Variants in PPP3R1 observed in about 807,000 individuals in gnomAD.
The protein encoded by PPP3R1 is protein phosphatase 3 regulatory subunit B, alpha, also known as calcineurin subunit B type 1.
In PPP3R1, 5 loss-of-function variants were observed where a neutral mutation model predicts 22.6. That is an observed-to-expected ratio of 0.22 (90% CI 0.12 to 0.46). The LOEUF (loss-of-function observed/expected upper bound fraction) is 0.46, where lower values mean the gene tolerates loss of function less well. PPP3R1 is among the 20% of genes least tolerant of loss of function. The probability of loss-of-function intolerance (pLI) is 0.99; values close to 1 mark genes in which losing one functional copy is unlikely to be tolerated. For synonymous variants in PPP3R1, 56 were observed against 65.2 expected, an observed-to-expected ratio of 0.86 and a Z score of 0.68; for missense variants, 61 against 203.2, an observed-to-expected ratio of 0.30 and a Z score of 4.25.
In PPP3R1 at chr2:68,186,498, A is replaced by G. The variant is rs201435247; in HGVS notation, c.435T>C (p.Asp145=). Residue 145 remains aspartate, a synonymous_variant, in exon 5 of 6, where the codon GAT becomes GAC. Transcript: ENST00000234310. ...KTIINADKDG[D]GRISFEEFCA... is the part of the protein sequence containing the mutation. ...AGAATTCTTCAAAGGATATTCTTCC[A>G]TCTCCATCCTTATCTGCATTTATTA... The G allele has an allele frequency of 7.0e-5, 113 of 1,613,304 alleles. No homozygotes were observed. The East Asian group carries it at 2.5e-3, about 35-fold the overall frequency.
chr2:68,246,436 C>A (rs1408622091), intron 1 of PPP3R1, among the ~76,000 whole-genome samples: 2 of 152,072 alleles, frequency 1.3e-5, no homozygotes, highest in Non-Finnish European at 1.5e-5. Flanking sequence ...AGCTTTCACC[C>A]TCTCTGCTAC....
In PPP3R1 at chr2:68,190,254, T is replaced by TAAAAAA. The variant is rs1491128472; in HGVS notation, c.44-1565_44-1564insTTTTTT. On this transcript the variant is annotated intron_variant, in intron 2 of 5. Coordinates refer to ENST00000234310, the MANE Select transcript of PPP3R1 (RefSeq NM_000945.4). ...AGTAAAGGATCAGGGCAAGTTTCTC[T>TAAAAAA]TAAAAAAAAAAAAAAAAAAAAAAAA... 3.5e-5 allele frequency among the ~76,000 whole-genome samples: 3 copies of TAAAAAA among 85,522 alleles called. 1 individual carries two copies. Among genetic ancestry groups the TAAAAAA allele is most frequent in the African/African-American group, 1.3e-4 (3 of 22,776 alleles). The allele number at this position is 85,522 out of a possible 152,430, so 56.1% of individuals were successfully genotyped here.
At chr2:68,244,314 A>G (rs1002392383) in intron 1 of PPP3R1, among the ~76,000 whole-genome samples, 9 of 152,156 alleles carry the variant, frequency 5.9e-5, no homozygotes, top group Admixed American at 5.2e-4. Flanking sequence ...CCATTTAGTT[A>G]TATTTATTTA....
chr2:68,242,950 A>C (rs942430767), intron 1 of PPP3R1, among the ~76,000 whole-genome samples: 5 of 152,226 alleles, frequency 3.3e-5, no homozygotes, highest in African/African-American at 1.2e-4. Flanking sequence ...CATAAAAATA[A>C]AAATGAATAC....
intron 2 of PPP3R1, among the ~76,000 whole-genome samples, chr2:68,210,490 C>G (rs952175496): frequency 1.2e-4 from 19 of 152,132 alleles, no homozygotes; most frequent in African/African-American, 4.3e-4. Flanking sequence ...GTTAATGTTC[C>G]AATTTGTTCA....
intron 1 of PPP3R1, among the ~76,000 whole-genome samples, chr2:68,239,158 T>C (rs1670072426): frequency 6.6e-6 from 1 of 152,142 alleles, no homozygotes; most frequent in Non-Finnish European, 1.5e-5. Flanking sequence ...ATAGCCAATA[T>C]GAGTCAAGAG....
At chr2:68,249,654 C>T (rs1279736040) in intron 1 of PPP3R1, among the ~76,000 whole-genome samples, 1 of 151,232 alleles carries the variant, frequency 6.6e-6, no homozygotes, top group African/African-American at 2.4e-5. Flanking sequence ...TAACATATAA[C>T]CTTCATTCTC....
intron 2 of PPP3R1, among the ~76,000 whole-genome samples, chr2:68,205,104 A>G (rs1186621224): frequency 1.3e-5 from 2 of 152,220 alleles, no homozygotes; most frequent in East Asian, 3.8e-4. Flanking sequence ...AAAGTTTGAA[A>G]AAAGAGTATA....
intron 2 of PPP3R1, among the ~76,000 whole-genome samples, chr2:68,214,353 C>T (rs1384823419): frequency 6.6e-6 from 1 of 152,106 alleles, no homozygotes; most frequent in African/African-American, 2.4e-5. Context: ...AGACAACCTA[C>T]AGAATGGGAG....
rs1161828505 is a variant in PPP3R1, at chr2:68,181,088, T to C, written c.466-78A>G. 9 of 1,412,708 alleles carry C rather than the reference T, an allele frequency of 6.4e-6. No homozygotes were observed. In the Admixed American group the frequency reaches 1.2e-4, roughly 19 times the overall value. 87.5% of individuals were successfully genotyped at this position (1,412,708 alleles called of 1,614,324 possible). A position where few individuals can be genotyped will look rare whatever the true frequency, so the allele number is the denominator to read the frequency against. On this transcript the variant is annotated intron_variant, in intron 5 of 5. Transcript: ENST00000234310. ...TCGTGGTCTAACTACTTCATCAAAT[T>C]TTAAAAAATATTACTAGGGGGCTGG...
At chr2:68,229,154 C>T (rs1341186699) in intron 1 of PPP3R1, among the ~76,000 whole-genome samples, 1 of 151,986 alleles carries the variant, frequency 6.6e-6, no homozygotes, top group Non-Finnish European at 1.5e-5. Flanking sequence ...CAACTACAGG[C>T]ATATGCCATC....
intron 2 of PPP3R1, among the ~76,000 whole-genome samples, chr2:68,211,177 C>G (rs1045582370): frequency 2.0e-5 from 3 of 152,058 alleles, no homozygotes; most frequent in Non-Finnish European, 4.4e-5. Context: ...GAGGCCGAGA[C>G]AGGCGGATCA....
At position 68,202,792 on chromosome 2, in the gene PPP3R1, A is replaced by ATTTTTTTTTTTTT. The variant is rs71395958; in HGVS notation, c.44-14115_44-14103dup. On this transcript the variant is annotated intron_variant, in intron 2 of 5. Coordinates refer to ENST00000234310, the MANE Select transcript of PPP3R1 (RefSeq NM_000945.4). ...TAATATATACTAGAGAGTTCAGGGA[A>ATTTTTTTTTTTTT]TTTTTTTTTTTTTTTTTTTTTTTTT... Among the ~76,000 whole-genome samples, 63 of 81,208 alleles carry ATTTTTTTTTTTTT rather than the reference A, an allele frequency of 7.8e-4. 7 individuals carry two copies. The highest frequency in any genetic ancestry group is 3.6e-3 in the African/African-American group (58 of 16,164). 53.3% of individuals were successfully genotyped at this position (81,208 alleles called of 152,430 possible). A position where few individuals can be genotyped will look rare whatever the true frequency, so the allele number is the denominator to read the frequency against.
Position 68,229,953 on chromosome 2 carries a change from T to C in PPP3R1, c.4-12822A>G, listed in dbSNP as rs1447413675. ...GTGTGTGTATGTGTGTATATATGTG[T>C]GTGTGTATATATACACACATACACA... On this transcript the variant is annotated intron_variant, in intron 1 of 5. Transcript: ENST00000234310. Among the ~76,000 whole-genome samples the C allele has an allele frequency of 2.3e-5, 3 of 131,896 alleles. No individual in the cohort carries two copies. In the Admixed American group the frequency reaches 2.5e-4, roughly 11 times the overall value. The allele number at this position is 131,896 out of a possible 152,430, so 86.5% of individuals were successfully genotyped here.
chr2:68,198,992 T>G (rs772667809), intron 2 of PPP3R1, among the ~76,000 whole-genome samples: 28 of 152,074 alleles, frequency 1.8e-4, no homozygotes, highest in Non-Finnish European at 3.1e-4. Context: ...AAGATGGAGT[T>G]TTGCTCTGTC....
At chr2:68,196,517 CATGT>C (rs1322865606) in intron 2 of PPP3R1, among the ~76,000 whole-genome samples, 1 of 152,248 alleles carries the variant, frequency 6.6e-6, no homozygotes, top group African/African-American at 2.4e-5. Flanking sequence ...ACAGGTCATA[CATGT>C]ATGTGTTGTA....
At chr2:68,198,931 A>G (rs1480238748) in intron 2 of PPP3R1, among the ~76,000 whole-genome samples, 1 of 152,148 alleles carries the variant, frequency 6.6e-6, no homozygotes, top group Non-Finnish European at 1.5e-5. Flanking sequence ...ATTTTACTCT[A>G]TTATGCATGG....
intron 4 of PPP3R1, 61 bp downstream of exon 4, chr2:68,187,194 A>G (rs1674563411): frequency 1.5e-6 from 2 of 1,306,060 alleles, no homozygotes; most frequent in East Asian, 2.4e-5. Context: ...AAAGCATTCT[A>G]TAATACAGTA....
chr2:68,216,971 T>C lies in PPP3R1; in HGVS notation c.43+121A>G, dbSNP rs1039202613. 2.8e-5 allele frequency: 19 copies of C among 688,918 alleles called. No homozygotes were observed. In the South Asian group the frequency reaches 3.9e-4, roughly 14 times the overall value. 42.7% of individuals were successfully genotyped at this position (688,918 alleles called of 1,614,324 possible). On this transcript the variant is annotated intron_variant, in intron 2 of 5. Transcript: ENST00000234310. The stretch of plus-strand genomic sequence containing the variant: ...CACTTTAAATAGTTAAGGGCTCACA[T>C]TGCTACAAAGGTAAGTAAATATACA...
Sources: allele counts gnomAD v4.1 joint callset (sites outside exome capture counted in the v4.1 genomes callset), GRCh38; gene constraint gnomAD v4.1.1; transcripts MANE v1.5; gene names NCBI Gene and HGNC (gene_info 2026-07-23, HGNC 2026-07-21).